ANTXR2: variants seen among roughly 807,000 people sequenced by gnomAD.
The protein encoded by ANTXR2 is ANTXR cell adhesion molecule 2.
A neutral mutation model predicts 73.7 loss-of-function variants in ANTXR2; 44 were observed. The observed-to-expected ratio is 0.60, with a 90% CI of 0.47 to 0.77. The LOEUF is 0.77. Ranked by LOEUF, ANTXR2 falls within the 30% of genes least tolerant of loss-of-function variation. The pLI, the probability that ANTXR2 is intolerant of heterozygous loss-of-function variation, is 0.00. For synonymous variants in ANTXR2, 217 were observed against 205.9 expected (o/e 1.05, Z -0.46); for missense variants, 604 against 592.5 (o/e 1.02, Z -0.20).
chr4:79,995,909 T>C (rs1207764498), intron 12 of ANTXR2, among the ~76,000 whole-genome samples: 2 of 152,000 alleles, frequency 1.3e-5, no homozygotes, highest in African/African-American at 4.8e-5. Flanking sequence ...AATAGTACCT[T>C]CAGAAACTGA....
chr4:80,046,263 A>C lies in ANTXR2; in HGVS notation c.636+8009T>G, dbSNP rs533999319. Among the ~76,000 whole-genome samples the C allele has an allele frequency of 1.2e-3, 186 of 151,910 alleles. 7 individuals carry two copies. The South Asian group carries it at 0.036, about 29-fold the overall frequency. ...TCTCACAATTCTGATATTTAAAATAAATCATATTAGCAGTCTTGCTGTTTC... is the reference window on the plus strand; with the variant it reads ...TCTCACAATTCTGATATTTAAAATACATCATATTAGCAGTCTTGCTGTTTC... On this transcript the variant is annotated intron_variant, in intron 7 of 16. Transcript: ENST00000403729.
chr4:80,037,981 A>G (rs190848065), intron 7 of ANTXR2, among the ~76,000 whole-genome samples: 2 of 152,256 alleles, frequency 1.3e-5, no homozygotes, highest in Admixed American at 1.3e-4. Flanking sequence ...TAAGGAGACT[A>G]ATTGCATCTT....
intron 16 of ANTXR2, among the ~76,000 whole-genome samples, chr4:79,961,770 T>C (rs557770069): frequency 5.9e-5 from 9 of 152,262 alleles, no homozygotes; most frequent in African/African-American, 2.2e-4. Context: ...CAAAGCTCAC[T>C]GATGATGATG....
intron 16 of ANTXR2, among the ~76,000 whole-genome samples, chr4:79,955,972 T>C (rs1032555318): frequency 3.9e-5 from 6 of 152,146 alleles, no homozygotes; most frequent in African/African-American, 1.2e-4. Flanking sequence ...ATTCCTGGAA[T>C]ATATAAGCTA....
At chr4:80,006,536 T>C (rs1324670395) in intron 12 of ANTXR2, among the ~76,000 whole-genome samples, 1 of 152,116 alleles carries the variant, frequency 6.6e-6, no homozygotes, top group Non-Finnish European at 1.5e-5. Context: ...TTCAGGAAAT[T>C]AATAAGCATT....
chr4:80,046,597 T>A (rs1733523408), intron 7 of ANTXR2, among the ~76,000 whole-genome samples: 1 of 151,826 alleles, frequency 6.6e-6, no homozygotes. Context: ...TACTAAGACA[T>A]GAAGTATATC....
intron 7 of ANTXR2, among the ~76,000 whole-genome samples, chr4:80,045,156 A>G (rs924320348): frequency 3.3e-5 from 5 of 151,804 alleles, no homozygotes; most frequent in African/African-American, 9.7e-5. Context: ...CAACATGAAG[A>G]GAAACAAACT....
chr4:79,997,790 A>C (rs919650012), intron 12 of ANTXR2, among the ~76,000 whole-genome samples: 1 of 151,970 alleles, frequency 6.6e-6, no homozygotes, highest in Non-Finnish European at 1.5e-5. Context: ...GCCAGGAGTT[A>C]AGTAAAGGTG....
intron 16 of ANTXR2, among the ~76,000 whole-genome samples, chr4:79,934,535 A>G (rs1728182909): frequency 8.6e-6 from 1 of 116,500 alleles, no homozygotes; most frequent in Non-Finnish European, 1.9e-5. Flanking sequence ...TAAAACAACA[A>G]CAACAACAAA....
At chr4:79,951,621 C>G (rs1287019379) in intron 16 of ANTXR2, among the ~76,000 whole-genome samples, 6 of 151,514 alleles carry the variant, frequency 4.0e-5, no homozygotes, top group Admixed American at 6.6e-5. Context: ...AAAGAACAAC[C>G]AAACGGGACT....
intron 11 of ANTXR2, among the ~76,000 whole-genome samples, chr4:80,016,693 C>G (rs949154277): frequency 6.6e-6 from 1 of 152,214 alleles, no homozygotes; most frequent in African/African-American, 2.4e-5. Context: ...TCTCTTTGCT[C>G]TGAAACTGCT....
intron 16 of ANTXR2, among the ~76,000 whole-genome samples, chr4:79,953,288 T>C (rs557989145): frequency 2.7e-5 from 4 of 146,290 alleles, no homozygotes; most frequent in South Asian, 4.1e-4. Context: ...TTGGGCACAC[T>C]ATTTTCAGAT....
intron 10 of ANTXR2, among the ~76,000 whole-genome samples, chr4:80,021,785 A>T (rs1260398660): frequency 6.6e-6 from 1 of 152,110 alleles, no homozygotes; most frequent in Non-Finnish European, 1.5e-5. Context: ...ACAAAAACTG[A>T]GTTAATTCTC....
intron 7 of ANTXR2, among the ~76,000 whole-genome samples, chr4:80,039,329 A>C (rs1230501427): frequency 6.6e-6 from 1 of 152,144 alleles, no homozygotes; most frequent in Non-Finnish European, 1.5e-5. Context: ...AATATTAAGA[A>C]AGCAACAACT....
intron 16 of ANTXR2, among the ~76,000 whole-genome samples, chr4:79,952,097 T>A (rs35701795): frequency 0.55 from 82,836 of 151,160 alleles, 25,713 homozygotes; most frequent in East Asian, 0.96. Context: ...CTAGCAAATT[T>A]TTTTAAACCA....
At chr4:79,976,886 A>G (rs1393551437) in intron 16 of ANTXR2, among the ~76,000 whole-genome samples, 1 of 152,202 alleles carries the variant, frequency 6.6e-6, no homozygotes, top group African/African-American at 2.4e-5. Flanking sequence ...CACTACTATT[A>G]TGAACTGTAC....
At chr4:79,985,935 G>T (rs778784391) in intron 12 of ANTXR2, among the ~76,000 whole-genome samples, 1 of 148,628 alleles carries the variant, frequency 6.7e-6, no homozygotes, top group African/African-American at 2.5e-5. Flanking sequence ...TCCACCTCCC[G>T]GGTTCAAGCG....
intron 8 of ANTXR2, among the ~76,000 whole-genome samples, chr4:80,033,915 C>T (rs1170226007): frequency 6.6e-6 from 1 of 151,928 alleles, no homozygotes; most frequent in East Asian, 1.9e-4. Flanking sequence ...TAGGAAAATA[C>T]CAGGGGGAAA....
rs1731505246 is a variant in ANTXR2 at position 80,010,184 on chromosome 4, A to G, written c.946-1568T>C. ...TCTTAGAAAGAACATTCCAAAGTGC[A>G]TCTTTCTTTACAAAATTCTAAATAT... On this transcript the variant is annotated intron_variant, in intron 11 of 16. Coordinates refer to ENST00000403729, the MANE Select transcript of ANTXR2 (RefSeq NM_058172.6). Among the ~76,000 whole-genome samples, 3 of 152,196 alleles carry G rather than the reference A, an allele frequency of 2.0e-5. No individual in the cohort carries two copies. The South Asian group carries it at 6.2e-4, about 31-fold the overall frequency.
Sources: gnomAD v4.1 joint callset for allele counts (sites outside exome capture counted in the v4.1 genomes callset) on GRCh38, gnomAD v4.1.1 for gene constraint, MANE v1.5 for transcripts, NCBI Gene and HGNC (gene_info 2026-07-23, HGNC 2026-07-21) for gene names.